The following SYNRG variants were observed in gnomAD, a reference collection of about 807,000 sequenced individuals.
The protein encoded by SYNRG is synergin gamma.
SYNRG carries 37 observed loss-of-function variants against 130.9 expected under a neutral mutation model. The observed-to-expected ratio is 0.28, with a 90% CI of 0.22 to 0.37. The LOEUF is 0.37. Ranked by LOEUF, SYNRG falls within the 10% of genes least tolerant of loss-of-function variation. SYNRG has a pLI of 1.00. For synonymous variants in SYNRG, 539 were observed against 568.1 expected, an observed-to-expected ratio of 0.95 and a Z score of 0.73; for missense variants, 1,338 against 1,588.9, an observed-to-expected ratio of 0.84 and a Z score of 2.68.
intron 13 of SYNRG, 102 bp downstream of exon 13, chr17:37,561,093 A>G (rs1373067120): frequency 1.0e-6 from 1 of 965,250 alleles, no homozygotes; most frequent in Non-Finnish European, 1.6e-6. Context: ...ACACAGACAC[A>G]CACACACTAA....
At chr17:37,528,786 T>C (rs2056270663) in intron 19 of SYNRG, among the ~76,000 whole-genome samples, 1 of 152,236 alleles carries the variant, frequency 6.6e-6, no homozygotes, top group Non-Finnish European at 1.5e-5. Flanking sequence ...CCTTACACTA[T>C]TTCTGTGGAA....
At position 37,568,907 on chromosome 17, in the gene SYNRG, T is replaced by G; in HGVS notation, c.1365A>C (p.Glu455Asp). The G allele has an allele frequency of 6.2e-7, 1 of 1,613,660 alleles. No individual in the cohort carries two copies. The highest frequency in any genetic ancestry group is 8.5e-7 in the Non-Finnish European group (1 of 1,179,630). The change falls in exon 11 of 22, where the codon GAA (glutamate) becomes GAC (aspartate). Residue 455 changes from glutamate to aspartate, a missense_variant. Coordinates refer to ENST00000612223, the MANE Select transcript of SYNRG (RefSeq NM_007247.6). ...CATCTTGAAAATCCTGGAAGTCATC[T>G]TCTTCTGGCTTTACTACCTAGGTTT... ...YPANQVVKPE[E>D]DDFQDFQDAS... is the part of the protein sequence containing the mutation.
chr17:37,590,257 GA>G (rs905315736), intron 3 of SYNRG, among the ~76,000 whole-genome samples: 15 of 149,292 alleles, frequency 1.0e-4, no homozygotes, highest in African/African-American at 2.7e-4. Flanking sequence ...AGATAAGTCA[GA>G]AAAAAAAAGA....
intron 3 of SYNRG, among the ~76,000 whole-genome samples, chr17:37,590,513 A>G (rs1262553002): frequency 6.6e-6 from 1 of 152,238 alleles, no homozygotes; most frequent in African/African-American, 2.4e-5. Context: ...GCTACTATGA[A>G]TGAACTTGGC....
chr17:37,577,305 A>G (rs1440086303), intron 7 of SYNRG, 75 bp downstream of exon 7: 7 of 1,344,088 alleles, frequency 5.2e-6, no homozygotes, highest in Non-Finnish European at 7.4e-6. Flanking sequence ...TCATTTGAAG[A>G]TTAATGCTTA....
In SYNRG at chr17:37,570,668, C is replaced by G. The variant is rs1212510948; in HGVS notation, c.1316G>C (p.Ser439Thr). 3.1e-6 allele frequency: 5 copies of G among 1,614,132 alleles called. No individual in the cohort carries two copies. The highest frequency in any genetic ancestry group is 3.3e-5 in the Admixed American group (2 of 60,010). Residue 439 changes from serine (S) to threonine (T), a missense_variant, in exon 10 of 22, where the codon AGT (serine) becomes ACT (threonine). By Grantham distance (58) the Ser-to-Thr change is moderately conservative. Coordinates refer to ENST00000612223, the MANE Select transcript of SYNRG (RefSeq NM_007247.6). The stretch of plus-strand genomic sequence containing the variant: ...TGCAGGGTAGGTTGGTATGAAACCA[C>G]TAGAAGCCTGGGCTGCAGCTCCACC... ...PVGGAAAQASSGFIPTYPANQ... is the reference protein window; with the variant it reads ...PVGGAAAQASTGFIPTYPANQ...
At chr17:37,557,286 T>C (rs1359873425) in intron 13 of SYNRG, 1 of 152,100 alleles carries the variant, frequency 6.6e-6, no homozygotes, top group African/African-American at 2.4e-5. Context: ...ACTCTGGAGA[T>C]GGAAAAAAGG....
chr17:37,573,987 C>T lies in SYNRG; in HGVS notation c.902-2000G>A, dbSNP rs183553450. The stretch of plus-strand genomic sequence containing the variant: ...AAACTGGAGGAATTACAGTACATTA[C>T]TGTATATTACCTGACTTCAAATTAT... On this transcript the variant is annotated intron_variant, in intron 8 of 21. Transcript: ENST00000612223. 1.6e-3 allele frequency among the ~76,000 whole-genome samples: 238 copies of T among 152,254 alleles called. 1 individual carries two copies. Among genetic ancestry groups the T allele is most frequent in the African/African-American group, 5.5e-3 (227 of 41,550 alleles).
intron 11 of SYNRG, 148 bp downstream of exon 11, chr17:37,568,642 GT>G: frequency 1.2e-6 from 1 of 830,246 alleles, no homozygotes; most frequent in Non-Finnish European, 1.8e-6. Context: ...AGTTTGAAAA[GT>G]AAAAGTATTA....
At chr17:37,600,540 A>C in intron 1 of SYNRG, 137 bp from the exon 2 acceptor site, 1 of 821,532 alleles carries the variant, frequency 1.2e-6, no homozygotes, top group South Asian at 1.4e-5. Flanking sequence ...GAATTGCCCA[A>C]CATCAGTACA....
chr17:37,596,011 T>A (rs2146883757), intron 3 of SYNRG, among the ~76,000 whole-genome samples: 1 of 152,364 alleles, frequency 6.6e-6, no homozygotes, highest in East Asian at 1.9e-4. Context: ...CGCCTTGGCC[T>A]CCCAAAGTGC....
chr17:37,590,647 G>A (rs1260719991), intron 3 of SYNRG, among the ~76,000 whole-genome samples: 8 of 152,142 alleles, frequency 5.3e-5, no homozygotes, highest in East Asian at 3.8e-4. Context: ...ATGGCCAGGC[G>A]CAGTGGCTCA....
At position 37,601,611 on chromosome 17, in the gene SYNRG, T is replaced by C. The variant is rs78293926; in HGVS notation, c.78-1208A>G. On this transcript the variant is annotated intron_variant, in intron 1 of 21. Transcript: ENST00000612223. Reference sequence around the variant, plus strand: ...GTACCCATTAAACAATAAGTCCTCATTTTAGAGCGTAAGAAAGCTCTCTTC... The same window carrying C: ...GTACCCATTAAACAATAAGTCCTCACTTTAGAGCGTAAGAAAGCTCTCTTC... Among the ~76,000 whole-genome samples the C allele has an allele frequency of 4.3e-3, 657 of 152,296 alleles. 39 individuals carry two copies. In the East Asian group the frequency reaches 0.11, roughly 25 times the overall value.
intron 18 of SYNRG, chr17:37,537,230 C>T (rs4545872): frequency 0.21 from 31,450 of 152,264 alleles, 3,480 homozygotes; most frequent in Admixed American, 0.32. Flanking sequence ...GTGCCAACTA[C>T]GTGCAAGACA....
At chr17:37,527,637 A>G (rs1027532715) in intron 19 of SYNRG, among the ~76,000 whole-genome samples, 1 of 152,228 alleles carries the variant, frequency 6.6e-6, no homozygotes, top group African/African-American at 2.4e-5. Context: ...AATACATATA[A>G]TAACTATTTA....
Position 37,553,567 on chromosome 17 carries a change from G to T in SYNRG, c.2156C>A (p.Ala719Asp). 1 of 1,614,140 alleles carries T rather than the reference G, an allele frequency of 6.2e-7. No homozygotes were observed. The highest frequency in any genetic ancestry group is 1.6e-4 in the Middle Eastern group (1 of 6,062). ...DDKYDALKEE[A>D]SPVPLTSNVG... Reference sequence around the variant, plus strand: ...GTTGCTGGTTAGAGGAACAGGACTGGCTTCCTCTTTAAGGGCATCATATTT... The same window carrying T: ...GTTGCTGGTTAGAGGAACAGGACTGTCTTCCTCTTTAAGGGCATCATATTT... The change falls in exon 14 of 22, where the codon GCC becomes GAC. Residue 719 changes from alanine to aspartate, a missense_variant. Transcript: ENST00000612223.
intron 13 of SYNRG, among the ~76,000 whole-genome samples, chr17:37,559,398 G>C (rs749091696): frequency 2.0e-5 from 3 of 152,092 alleles, no homozygotes; most frequent in Non-Finnish European, 2.9e-5. Context: ...ATCTTGAAAA[G>C]AAAAAGACTG....
At chr17:37,582,306 C>A (rs1389897128) in intron 6 of SYNRG, among the ~76,000 whole-genome samples, 2 of 152,054 alleles carry the variant, frequency 1.3e-5, no homozygotes, top group Non-Finnish European at 2.9e-5. Flanking sequence ...TTGCCTTAAT[C>A]AAGTTTGTTT....
chr17:37,520,108 A>T, intron 21 of SYNRG, 71 bp downstream of exon 21: 2 of 1,519,338 alleles, frequency 1.3e-6, no homozygotes, highest in Non-Finnish European at 1.8e-6. Context: ...CAATGGATAG[A>T]ATCATCCAAT....
Sources: allele counts gnomAD v4.1 joint callset (sites outside exome capture counted in the v4.1 genomes callset), GRCh38; gene constraint gnomAD v4.1.1; transcripts MANE v1.5; gene names NCBI Gene and HGNC (gene_info 2026-07-23, HGNC 2026-07-21).